The following CUL1 variants were observed in gnomAD, a reference collection of about 807,000 sequenced individuals.
CUL1 encodes the protein cullin-1.
CUL1 carries 24 observed loss-of-function variants against 118.0 expected under a neutral mutation model. The observed-to-expected ratio is 0.20, with a 90% confidence interval of 0.15 to 0.29. CUL1 has a LOEUF of 0.29. CUL1 is among the 10% of genes least tolerant of loss of function. The pLI, the probability that CUL1 is intolerant of heterozygous loss-of-function variation, is 1.00. For missense variants in CUL1, 361 were observed against 933.8 expected (o/e 0.39, Z 7.99); for synonymous variants, 332 against 340.4 (o/e 0.98, Z 0.27).
intron 1 of CUL1, among the ~76,000 whole-genome samples, chr7:148,719,361 G>A (rs896278020): frequency 6.6e-6 from 1 of 152,098 alleles, no homozygotes; most frequent in Non-Finnish European, 1.5e-5. Flanking sequence ...CCATCTATTA[G>A]GGTGTTAGTT....
At chr7:148,700,032 A>C (rs1168652417) in intron 1 of CUL1, among the ~76,000 whole-genome samples, 1 of 151,922 alleles carries the variant, frequency 6.6e-6, no homozygotes, top group East Asian at 1.9e-4. Flanking sequence ...TGAATCCCCA[A>C]AGTTAGGGTT....
chr7:148,700,652 G>C (rs1585518298), intron 1 of CUL1, among the ~76,000 whole-genome samples: 1 of 152,150 alleles, frequency 6.6e-6, no homozygotes, highest in Admixed American at 6.5e-5. Flanking sequence ...AGACTGGCTC[G>C]CTTTAACTCT....
At chr7:148,753,870 GTTGATATAT>G (rs950742493) in intron 2 of CUL1, 97 bp from the exon 3 acceptor site, 15 of 809,612 alleles carry the variant, frequency 1.9e-5, no homozygotes, top group East Asian at 1.7e-4. Flanking sequence ...ACAGGTTTTG[GTTGATATAT>G]TGGGAATGCA....
intron 1 of CUL1, among the ~76,000 whole-genome samples, chr7:148,708,314 C>T (rs529903686): frequency 3.3e-5 from 5 of 152,186 alleles, no homozygotes; most frequent in East Asian, 1.9e-4. Flanking sequence ...AGACCATATC[C>T]GACATCTCTA....
At chr7:148,735,521 ACAG>A (rs1308643199) in intron 2 of CUL1, among the ~76,000 whole-genome samples, 1 of 152,250 alleles carries the variant, frequency 6.6e-6, no homozygotes, top group Non-Finnish European at 1.5e-5. Context: ...ATTTCAAAGA[ACAG>A]CAGATCACAC....
chr7:148,751,266 G>A (rs1279684253), intron 2 of CUL1, among the ~76,000 whole-genome samples: 1 of 152,066 alleles, frequency 6.6e-6, no homozygotes, highest in Non-Finnish European at 1.5e-5. Context: ...GTTTAAAAGG[G>A]CCTGGCAAGG....
intron 9 of CUL1, among the ~76,000 whole-genome samples, chr7:148,776,083 G>A (rs1800384196): frequency 1.3e-5 from 2 of 151,534 alleles, no homozygotes; most frequent in African/African-American, 2.4e-5. Context: ...GTCATAATTC[G>A]TCAGTCCTAC....
chr7:148,708,881 A>G (rs963902885), intron 1 of CUL1, among the ~76,000 whole-genome samples: 1 of 152,236 alleles, frequency 6.6e-6, no homozygotes, highest in Non-Finnish European at 1.5e-5. Flanking sequence ...GTTTTGCCAT[A>G]ATAAATTATA....
At chr7:148,796,503 A>G (rs1801204713) in intron 17 of CUL1, among the ~76,000 whole-genome samples, 1 of 152,182 alleles carries the variant, frequency 6.6e-6, no homozygotes, top group African/African-American at 2.4e-5. Context: ...TTGAATGACT[A>G]TTTTGTAATC....
chr7:148,798,434 C>G, intron 19 of CUL1, 138 bp from the exon 20 acceptor site: 1 of 646,144 alleles, frequency 1.5e-6, no homozygotes, highest in Non-Finnish European at 2.7e-6. Flanking sequence ...GACATTTTCA[C>G]GGAGAGCTCA....
At chr7:148,725,616 C>T (rs780748104) in intron 1 of CUL1, among the ~76,000 whole-genome samples, 3 of 152,168 alleles carry the variant, frequency 2.0e-5, no homozygotes, top group Non-Finnish European at 4.4e-5. Flanking sequence ...TCCACCCAAG[C>T]CAGGTCTCAG....
chr7:148,704,578 T>G (rs1797825486), intron 1 of CUL1, among the ~76,000 whole-genome samples: 1 of 152,230 alleles, frequency 6.6e-6, no homozygotes, highest in Admixed American at 6.5e-5. Flanking sequence ...TTTGCTGTTG[T>G]TAAGGATGAT....
chr7:148,752,845 G>T (rs978530736), intron 2 of CUL1, among the ~76,000 whole-genome samples: 10 of 152,060 alleles, frequency 6.6e-5, no homozygotes, highest in African/African-American at 1.7e-4. Flanking sequence ...GTAGAGATGG[G>T]GTTTCACCGT....
rs1801260177 is a variant in CUL1 at position 148,797,878 on chromosome 7, A to G, written c.1947+19A>G. On this transcript the variant is annotated intron_variant, in intron 18 of 21. Coordinates refer to ENST00000325222, the MANE Select transcript of CUL1 (RefSeq NM_003592.3). ...GCTATTGGTAGGTTTGCGCCCTTTT[A>G]TCTTACACTAGAAGAAGCCTTTTCC... 5.6e-6 allele frequency: 9 copies of G among 1,612,438 alleles called. No homozygotes were observed. Among genetic ancestry groups the G allele is most frequent in the Non-Finnish European group, 6.8e-6 (8 of 1,178,760 alleles).
At position 148,737,269 on chromosome 7, in the gene CUL1, G is replaced by A. The variant is rs962466969; in HGVS notation, c.140+7007G>A. Among the ~76,000 whole-genome samples the A allele has an allele frequency of 1.2e-4, 18 of 151,760 alleles. No individual in the cohort carries two copies. In the East Asian group the frequency reaches 3.5e-3, roughly 29 times the overall value. ...GCTATTTTTCAAAGTTTGATTCACG[G>A]TAATTATACTCAGAGTACTTTGAAC... On this transcript the variant is annotated intron_variant, in intron 2 of 21. Transcript: ENST00000325222.
rs1563169853 is a variant in CUL1 at position 148,788,663 on chromosome 7, A to G, written c.1586A>G (p.Glu529Gly). The change falls in exon 14 of 22, where the codon GAA becomes GGA. Residue 529 changes from glutamate to glycine, a missense_variant. Coordinates refer to ENST00000325222, the MANE Select transcript of CUL1 (RefSeq NM_003592.3). ...EQFKKHLTNS[E>G]PLDLDFSIQV... ...TTCAAAAAGCACTTGACAAACTCAG[A>G]ACCCCTAGACTGTGAGTATCCGTGT... 6.2e-7 allele frequency: 1 copy of G among 1,608,196 alleles called. No homozygotes were observed.
intron 9 of CUL1, 158 bp from the exon 10 acceptor site, chr7:148,783,625 G>A (rs760469070): frequency 2.0e-6 from 3 of 1,534,936 alleles, no homozygotes; most frequent in East Asian, 2.5e-5. Context: ...GTGTTTCAAC[G>A]ATGGTACCAA....
intron 14 of CUL1, 105 bp downstream of exon 14, chr7:148,788,779 AT>A: frequency 1.3e-6 from 1 of 766,990 alleles, no homozygotes; most frequent in South Asian, 1.6e-5. Flanking sequence ...TTTGTCAGAA[AT>A]TCAAGAACTA....
intron 1 of CUL1, among the ~76,000 whole-genome samples, chr7:148,727,602 C>T (rs1018924473): frequency 1.3e-5 from 2 of 152,096 alleles, no homozygotes; most frequent in Non-Finnish European, 2.9e-5. Context: ...AAGGGAAAAT[C>T]CCATTTAAAG....
Sources: gnomAD v4.1 joint callset for allele counts (sites outside exome capture counted in the v4.1 genomes callset) on GRCh38, gnomAD v4.1.1 for gene constraint, MANE v1.5 for transcripts, NCBI Gene and HGNC (gene_info 2026-07-23, HGNC 2026-07-21) for gene names.